The following TCERG1L variants were observed in gnomAD, a reference collection of about 807,000 sequenced individuals.
TCERG1L encodes the protein transcription elongation regulator 1-like protein.
In TCERG1L, 37 loss-of-function variants were observed where a neutral mutation model predicts 56.3. The observed-to-expected ratio is 0.66, with a 90% CI of 0.51 to 0.87. The LOEUF (loss-of-function observed/expected upper bound fraction) is 0.87, where lower values mean the gene tolerates loss of function less well. TCERG1L is among the 40% of genes least tolerant of loss of function. The pLI, the probability that TCERG1L is intolerant of heterozygous loss-of-function variation, is 0.00. For missense variants in TCERG1L, 799 were observed against 774.2 expected, an observed-to-expected ratio of 1.03 and a Z score of -0.38; for synonymous variants, 324 against 326.3, an observed-to-expected ratio of 0.99 and a Z score of 0.08.
chr10:131,123,817 T>C (rs1845537695), intron 8 of TCERG1L, among the ~76,000 whole-genome samples: 1 of 152,152 alleles, frequency 6.6e-6, no homozygotes. Context: ...TTATTCCCAT[T>C]AGGACCCCAC....
At chr10:131,194,553 C>T (rs1564811752) in intron 4 of TCERG1L, among the ~76,000 whole-genome samples, 1 of 152,194 alleles carries the variant, frequency 6.6e-6, no homozygotes, top group East Asian at 1.9e-4. Flanking sequence ...TGGTCAAATT[C>T]TCCATTATTT....
chr10:131,231,568 C>T (rs1437247361), intron 4 of TCERG1L, among the ~76,000 whole-genome samples: 1 of 152,104 alleles, frequency 6.6e-6, no homozygotes, highest in Non-Finnish European at 1.5e-5. Context: ...ATCCGAGCCC[C>T]TCCGGCATCA....
chr10:131,225,891 C>A (rs1010879715), intron 4 of TCERG1L, among the ~76,000 whole-genome samples: 2 of 152,324 alleles, frequency 1.3e-5, no homozygotes, highest in Non-Finnish European at 1.5e-5. Context: ...TTGAAAAATA[C>A]ACATCTCAGA....
Position 131,143,756 on chromosome 10 carries a change from C to G in TCERG1L, c.1189+2750G>C, listed in dbSNP as rs141862461. Among the ~76,000 whole-genome samples, 946 of 152,234 alleles carry G rather than the reference C, an allele frequency of 6.2e-3. 3 individuals carry two copies. Among genetic ancestry groups the G allele is most frequent in the Middle Eastern group, 0.031 (9 of 294 alleles). On this transcript the variant is annotated intron_variant, in intron 7 of 11. Coordinates refer to ENST00000368642, the MANE Select transcript of TCERG1L (RefSeq NM_174937.4). ...TCCCCGAGAACCGCATGGCACGGAA[C>G]GGATGGGGCTGGGGGTGAAGCCTGG...
intron 4 of TCERG1L, among the ~76,000 whole-genome samples, chr10:131,222,494 A>G (rs1440738191): frequency 6.6e-6 from 1 of 152,240 alleles, no homozygotes; most frequent in Non-Finnish European, 1.5e-5. Context: ...CTAAGTCAGA[A>G]GGCAGCCGCC....
chr10:131,276,296 C>T (rs1327066058), intron 3 of TCERG1L, among the ~76,000 whole-genome samples: 2 of 152,302 alleles, frequency 1.3e-5, no homozygotes, highest in South Asian at 2.1e-4. Flanking sequence ...GTTTACATCA[C>T]GAAAGCTACA....
chr10:131,220,839 C>T (rs949644135), intron 4 of TCERG1L, among the ~76,000 whole-genome samples: 2 of 152,322 alleles, frequency 1.3e-5, no homozygotes, highest in East Asian at 1.9e-4. Flanking sequence ...TCGGGGGCTC[C>T]GAGGGTTTGC....
intron 6 of TCERG1L, among the ~76,000 whole-genome samples, chr10:131,158,906 G>A (rs1173418868): frequency 6.6e-6 from 1 of 152,198 alleles, no homozygotes; most frequent in African/African-American, 2.4e-5. Context: ...CTTCCTCTGC[G>A]GCCATGCCTG....
intron 4 of TCERG1L, among the ~76,000 whole-genome samples, chr10:131,244,401 C>A (rs928613609): frequency 1.3e-5 from 2 of 152,178 alleles, no homozygotes; most frequent in African/African-American, 4.8e-5. Context: ...ACGTTCAGAA[C>A]AGGCAGCCCT....
At chr10:131,200,494 T>A (rs1358025083) in intron 4 of TCERG1L, among the ~76,000 whole-genome samples, 1 of 152,244 alleles carries the variant, frequency 6.6e-6, no homozygotes, top group Non-Finnish European at 1.5e-5. Flanking sequence ...AGCTACTCTT[T>A]CCTTCTTGCC....
At chr10:131,200,370 G>A (rs1845418350) in intron 4 of TCERG1L, among the ~76,000 whole-genome samples, 2 of 152,218 alleles carry the variant, frequency 1.3e-5, no homozygotes, top group Non-Finnish European at 2.9e-5. Context: ...CCCAAGGAGT[G>A]TGGAGGGCCC....
At chr10:131,270,674 T>C (rs1045223464) in intron 3 of TCERG1L, among the ~76,000 whole-genome samples, 1 of 152,244 alleles carries the variant, frequency 6.6e-6, no homozygotes. Flanking sequence ...TCCTACCTTC[T>C]TCTCTGATTA....
chr10:131,270,419 G>T (rs1476107599), intron 3 of TCERG1L, among the ~76,000 whole-genome samples: 2 of 152,346 alleles, frequency 1.3e-5, no homozygotes, highest in South Asian at 2.1e-4. Context: ...AATAAACAGT[G>T]AGATAAGACA....
intron 9 of TCERG1L, among the ~76,000 whole-genome samples, chr10:131,115,868 T>A (rs1454035734): frequency 6.6e-6 from 1 of 152,190 alleles, no homozygotes; most frequent in African/African-American, 2.4e-5. Flanking sequence ...CAGACCTCTC[T>A]GTTCTGCAGG....
At chr10:131,101,308 C>T (rs1845302077) in intron 10 of TCERG1L, among the ~76,000 whole-genome samples, 1 of 152,248 alleles carries the variant, frequency 6.6e-6, no homozygotes, top group South Asian at 2.1e-4. Context: ...GACTGGGCCC[C>T]TGTGTTCCCA....
intron 4 of TCERG1L, among the ~76,000 whole-genome samples, chr10:131,252,616 G>A (rs1051593784): frequency 3.3e-5 from 5 of 152,122 alleles, no homozygotes; most frequent in South Asian, 2.1e-4. Flanking sequence ...CAGACCAGCC[G>A]TCTCCAACGA....
intron 3 of TCERG1L, among the ~76,000 whole-genome samples, chr10:131,287,729 C>T (rs1429289182): frequency 6.6e-6 from 1 of 152,142 alleles, no homozygotes; most frequent in African/African-American, 2.4e-5. Context: ...ATTGCAGATA[C>T]CACACAAGCA....
At chr10:131,249,750 C>T (rs1304340734) in intron 4 of TCERG1L, among the ~76,000 whole-genome samples, 1 of 152,182 alleles carries the variant, frequency 6.6e-6, no homozygotes, top group Non-Finnish European at 1.5e-5. Context: ...GGTACGACGG[C>T]CACACTCGCT....
At chr10:131,161,333 A>G (rs984598948) in intron 6 of TCERG1L, 6 of 152,180 alleles carry the variant, frequency 3.9e-5, no homozygotes, top group African/African-American at 1.4e-4. Context: ...CTGTGTGAGC[A>G]CACCCTGTGA....
Sources: gnomAD v4.1 joint callset for allele counts (sites outside exome capture counted in the v4.1 genomes callset) on GRCh38, gnomAD v4.1.1 for gene constraint, MANE v1.5 for transcripts, NCBI Gene and HGNC (gene_info 2026-07-23, HGNC 2026-07-21) for gene names.